The following RASEF variants were observed in gnomAD, a reference collection of about 807,000 sequenced individuals.
The protein encoded by RASEF is RAS and EF-hand domain containing.
A neutral mutation model predicts 90.1 loss-of-function variants in RASEF; 68 were observed. The ratio of observed to expected loss-of-function variants is 0.75; its 90% CI spans 0.62 to 0.92. The LOEUF is 0.92. RASEF is among the 40% of genes least tolerant of loss of function. RASEF has a pLI of 0.00. For missense variants in RASEF, 949 were observed against 937.2 expected, an observed-to-expected ratio of 1.01 and a Z score of -0.16; for synonymous variants, 331 against 345.2, an observed-to-expected ratio of 0.96 and a Z score of 0.46.
the RASEF span, among the ~76,000 whole-genome samples, chr9:83,127,325 T>C: frequency 1.3e-5 from 2 of 152,202 alleles, no homozygotes; most frequent in Non-Finnish European, 2.9e-5. Flanking sequence ...AGGAGATGCT[T>C]TTTTCTGTAG....
chr9:83,092,495 G>A, the RASEF span, among the ~76,000 whole-genome samples: 1 of 151,772 alleles, frequency 6.6e-6, no homozygotes, highest in South Asian at 2.1e-4. Context: ...TTAGGGCGGC[G>A]CGTCTGGAGT....
At chr9:83,018,049 C>T (rs1216838141) in intron 3 of RASEF, among the ~76,000 whole-genome samples, 1 of 152,184 alleles carries the variant, frequency 6.6e-6, no homozygotes, top group Non-Finnish European at 1.5e-5. Context: ...AGAAGGGACT[C>T]TACTGCATTT....
rs1255227464 is a variant in RASEF at position 83,008,903 on chromosome 9, T to TC, written c.959+737_959+738insG. On this transcript the variant is annotated intron_variant, in intron 6 of 16. Coordinates refer to ENST00000376447, the MANE Select transcript of RASEF (RefSeq NM_152573.4). The stretch of plus-strand genomic sequence containing the variant: ...TTGAAGTTCTCATCATATATATATA[T>TC]ATATATATATATATATATATATATA... 2.2e-3 allele frequency among the ~76,000 whole-genome samples: 253 copies of TC among 112,974 alleles called. 11 individuals carry two copies. The highest frequency in any genetic ancestry group is 5.9e-3 in the African/African-American group (183 of 30,766). The allele number at this position is 112,974 out of a possible 152,430, so 74.1% of individuals were successfully genotyped here. A position where few individuals can be genotyped will look rare whatever the true frequency, so the allele number is the denominator to read the frequency against.
At chr9:82,996,165 C>G (rs540503209) in intron 14 of RASEF, among the ~76,000 whole-genome samples, 1 of 152,136 alleles carries the variant, frequency 6.6e-6, no homozygotes. Flanking sequence ...ATGCCAGAAG[C>G]TAAATTGAGA....
Position 83,025,098 on chromosome 9 carries a change from G to GT in RASEF, c.578+676dup, listed in dbSNP as rs145873991. On this transcript the variant is annotated intron_variant, in intron 2 of 16. Transcript: ENST00000376447. Reference sequence around the variant, plus strand: ...GTTTGGACTGCAACACATATAAATTGTTTTTTTTGCATGACATAGCTGTTA... The same window carrying GT: ...GTTTGGACTGCAACACATATAAATTGTTTTTTTTTGCATGACATAGCTGTTA... Among the ~76,000 whole-genome samples the GT allele has an allele frequency of 7.7e-3, 1,170 of 152,032 alleles. 13 individuals carry two copies. The highest frequency in any genetic ancestry group is 0.025 in the African/African-American group (1,051 of 41,436).
chr9:83,186,682 C>A, the RASEF span, among the ~76,000 whole-genome samples: 12 of 152,038 alleles, frequency 7.9e-5, no homozygotes, highest in Non-Finnish European at 1.3e-4. Flanking sequence ...GCCAGTATTT[C>A]CTAGCCTACC....
chr9:83,018,575 T>TAAAAG (rs1554707748), intron 3 of RASEF, among the ~76,000 whole-genome samples: 2 of 151,742 alleles, frequency 1.3e-5, no homozygotes, highest in Admixed American at 1.3e-4. Flanking sequence ...CTTTTTTTTT[T>TAAAAG]AAAAGAAATT....
chr9:83,156,324 G>T, the RASEF span, among the ~76,000 whole-genome samples: 19 of 152,170 alleles, frequency 1.2e-4, no homozygotes, highest in African/African-American at 4.6e-4. Context: ...AGCACTCAAT[G>T]AATATTCTGG....
At chr9:83,187,329 A>T in the RASEF span, among the ~76,000 whole-genome samples, 6 of 152,042 alleles carry the variant, frequency 3.9e-5, no homozygotes, top group East Asian at 1.9e-4. Context: ...GCCATCACAT[A>T]AAAAAAATTA....
the RASEF span, among the ~76,000 whole-genome samples, chr9:83,173,925 T>C: frequency 4.6e-5 from 7 of 151,960 alleles, no homozygotes; most frequent in Non-Finnish European, 8.8e-5. Context: ...TTTATGTAGA[T>C]AGTTGTTCAA....
chr9:83,193,930 C>CCTATGAAG, the RASEF span, among the ~76,000 whole-genome samples: 1 of 152,178 alleles, frequency 6.6e-6, no homozygotes, highest in East Asian at 1.9e-4. Context: ...GGTAAATGAG[C>CCTATGAAG]TTAGGTGGAC....
chr9:83,195,902 G>A, the RASEF span, among the ~76,000 whole-genome samples: 9 of 152,088 alleles, frequency 5.9e-5, no homozygotes, highest in African/African-American at 1.9e-4. Flanking sequence ...CCTACTGATA[G>A]GAGTAGTGGG....
chr9:83,185,353 C>CTTT, the RASEF span, among the ~76,000 whole-genome samples: 73 of 143,086 alleles, frequency 5.1e-4, no homozygotes, highest in South Asian at 1.8e-3. Flanking sequence ...TTCTTTCTTT[C>CTTT]TTTTTTTTTT....
the RASEF span, among the ~76,000 whole-genome samples, chr9:83,101,127 G>A: frequency 2.7e-3 from 416 of 152,192 alleles, no homozygotes; most frequent in Middle Eastern, 0.01. Context: ...ATTACTTCAC[G>A]ATGACATGAG....
chr9:83,044,600 T>C (rs1162230721), intron 1 of RASEF, among the ~76,000 whole-genome samples: 1 of 152,162 alleles, frequency 6.6e-6, no homozygotes, highest in Non-Finnish European at 1.5e-5. Context: ...GAATATAATA[T>C]ATGTATAGGA....
At chr9:83,042,698 A>G (rs936414505) in intron 1 of RASEF, among the ~76,000 whole-genome samples, 1 of 151,462 alleles carries the variant, frequency 6.6e-6, no homozygotes, top group Non-Finnish European at 1.5e-5. Flanking sequence ...AAACTCAGGT[A>G]TCTGACTAAG....
At chr9:83,025,700 C>T in intron 2 of RASEF, 75 bp downstream of exon 2, 1 of 1,420,584 alleles carries the variant, frequency 7.0e-7, no homozygotes, top group Non-Finnish European at 9.8e-7. Flanking sequence ...CAATGCAGTT[C>T]AGTCCATTTG....
chr9:83,113,403 C>T, the RASEF span, among the ~76,000 whole-genome samples: 3 of 152,108 alleles, frequency 2.0e-5, no homozygotes, highest in Non-Finnish European at 4.4e-5. Context: ...TGTGTTTGAA[C>T]AATATGAAAT....
chr9:83,104,164 C>T, the RASEF span, among the ~76,000 whole-genome samples: 1 of 152,060 alleles, frequency 6.6e-6, no homozygotes, highest in Non-Finnish European at 1.5e-5. Flanking sequence ...ATATATTGAT[C>T]TTAATATCAA....
Sources: allele counts gnomAD v4.1 joint callset (sites outside exome capture counted in the v4.1 genomes callset), GRCh38; gene constraint gnomAD v4.1.1; transcripts MANE v1.5; gene names NCBI Gene and HGNC (gene_info 2026-07-23, HGNC 2026-07-21).